Variants in NEK4 observed in about 807,000 individuals in gnomAD.
NEK4 encodes serine/threonine-protein kinase Nek4.
NEK4 carries 86 observed loss-of-function variants against 98.4 expected under a neutral mutation model. The observed-to-expected ratio is 0.87, with a 90% CI of 0.73 to 1.05. The LOEUF (loss-of-function observed/expected upper bound fraction) is 1.05. NEK4 is among the 50% of genes least tolerant of loss of function. The pLI is 0.00. For missense variants in NEK4, 898 were observed against 950.3 expected, an observed-to-expected ratio of 0.94 and a Z score of 0.72; for synonymous variants, 328 against 342.2, an observed-to-expected ratio of 0.96 and a Z score of 0.46.
chr3:52,745,607 A>C (rs184846598), intron 10 of NEK4, among the ~76,000 whole-genome samples: 10 of 152,212 alleles, frequency 6.6e-5, no homozygotes, highest in Admixed American at 6.5e-4. Flanking sequence ...TGCTGAGATC[A>C]CATCTGTCCC....
intron 2 of NEK4, 78 bp downstream of exon 2, chr3:52,768,260 G>T: frequency 7.2e-7 from 1 of 1,393,498 alleles, no homozygotes; most frequent in African/African-American, 1.4e-5. Flanking sequence ...AGTATCTGAA[G>T]AAAAATTTTC....
At chr3:52,760,998 A>G (rs1281893038) in intron 5 of NEK4, 62 bp from the exon 6 acceptor site, 21 of 1,086,512 alleles carry the variant, frequency 1.9e-5, no homozygotes, top group Admixed American at 6.5e-5. Context: ...GTTTTTAGGT[A>G]TATGTGGGAG....
At chr3:52,743,140 T>G (rs2154104080) in intron 12 of NEK4, 1 of 485,700 alleles carries the variant, frequency 2.1e-6, no homozygotes, top group Non-Finnish European at 3.7e-6. Flanking sequence ...TATCAATTGT[T>G]TACAAGAGTA....
intron 15 of NEK4, among the ~76,000 whole-genome samples, chr3:52,712,776 G>A (rs550140908): frequency 2.0e-5 from 3 of 152,296 alleles, no homozygotes; most frequent in African/African-American, 7.2e-5. Context: ...GCTGGCATCT[G>A]TCAGTGTGCT....
chr3:52,717,527 A>T (rs2097356226), intron 15 of NEK4, among the ~76,000 whole-genome samples: 1 of 152,092 alleles, frequency 6.6e-6, no homozygotes, highest in Non-Finnish European at 1.5e-5. Context: ...ATGAGAGGCT[A>T]CTGCCCCATC....
intron 6 of NEK4, among the ~76,000 whole-genome samples, chr3:52,760,549 T>A (rs1007833750): frequency 6.6e-6 from 1 of 152,232 alleles, no homozygotes; most frequent in African/African-American, 2.4e-5. Flanking sequence ...TTAATTTTGT[T>A]ATATAAATTT....
At chr3:52,767,724 A>G (rs1009660400) in intron 2 of NEK4, among the ~76,000 whole-genome samples, 1 of 143,466 alleles carries the variant, frequency 7.0e-6, no homozygotes, top group Admixed American at 6.9e-5. Flanking sequence ...GTCTCAAAAG[A>G]AAAAAAAAAA....
At chr3:52,751,789 G>T in intron 7 of NEK4, 143 bp downstream of exon 7, 4 of 809,784 alleles carry the variant, frequency 4.9e-6, no homozygotes, top group East Asian at 2.5e-5. Context: ...GTTTCTTTTT[G>T]GTTTGATGCA....
In NEK4 at chr3:52,768,448, C is replaced by T; in HGVS notation, c.250G>A (p.Gly84Ser). 1 of 1,614,156 alleles carries T rather than the reference C, an allele frequency of 6.2e-7. No individual in the cohort carries two copies. The highest frequency in any genetic ancestry group is 8.5e-7 in the Non-Finnish European group (1 of 1,180,016). The change falls in exon 2 of 16, where the codon GGC becomes AGC. Residue 84 changes from glycine to serine, a missense_variant. Physicochemically the swap from Gly to Ser is moderately conservative, Grantham distance 56. Coordinates refer to ENST00000233027, the MANE Select transcript of NEK4 (RefSeq NM_003157.6). Reference protein sequence around the residue: ...GGDGLLYIVMGFCEGGDLYRK... With the variant: ...GGDGLLYIVMSFCEGGDLYRK... ...TACAAATCACCTCCTTCACAGAAGC[C>T]CATGACAATGTAGAGCAGACCATCT...
intron 5 of NEK4, 68 bp downstream of exon 5, chr3:52,763,402 A>C (rs1215107335): frequency 5.6e-6 from 8 of 1,417,242 alleles, no homozygotes; most frequent in Non-Finnish European, 4.8e-6. Context: ...TTGCATATGA[A>C]TATTACAGAA....
Position 52,770,582 on chromosome 3 carries a change from T to C in NEK4, c.93+72A>G, listed in dbSNP as rs1698741220. ...GAGCCTCTTGCGACCACCCCCGACC[T>C]AATCTACCGGTCGGCGCCCTCGGCG... On this transcript the variant is annotated intron_variant, in intron 1 of 15. Coordinates refer to ENST00000233027, the MANE Select transcript of NEK4 (RefSeq NM_003157.6). 3.5e-5 allele frequency: 42 copies of C among 1,185,236 alleles called. No individual in the cohort carries two copies. The South Asian group carries it at 5.5e-4, about 16-fold the overall frequency. The allele number at this position is 1,185,236 out of a possible 1,614,324, so 73.4% of individuals were successfully genotyped here.
intron 1 of NEK4, among the ~76,000 whole-genome samples, chr3:52,769,614 A>T (rs1010258717): frequency 3.3e-5 from 5 of 152,216 alleles, no homozygotes; most frequent in African/African-American, 1.2e-4. Flanking sequence ...CTTATGCATG[A>T]GCTTGTGTTC....
rs747764051 is a variant in NEK4, at chr3:52,711,745, C to G, written c.*32G>C. On this transcript the variant is annotated 3_prime_UTR_variant, in exon 16 of 16. Coordinates refer to ENST00000233027, the MANE Select transcript of NEK4 (RefSeq NM_003157.6). ...AAGCCAAAATCCTCTAAAAATAGGT[C>G]TTTAATTCTGGCAGCAGATTAGGAC... is the stretch of plus-strand genomic sequence containing the variant. 1 of 1,408,840 alleles carries G rather than the reference C, an allele frequency of 7.1e-7. No individual in the cohort carries two copies. The highest frequency in any genetic ancestry group is 1.0e-6 in the Non-Finnish European group (1 of 996,626). The allele number at this position is 1,408,840 out of a possible 1,614,324, so 87.3% of individuals were successfully genotyped here.
chr3:52,763,658 A>C (rs1212631507), intron 4 of NEK4, 34 bp from the exon 5 acceptor site: 20 of 1,504,126 alleles, frequency 1.3e-5, no homozygotes, highest in Non-Finnish European at 1.8e-5. Flanking sequence ...ATTATGACTA[A>C]TGGTCTTGTG....
intron 15 of NEK4, chr3:52,733,763 C>A (rs2097372224): frequency 2.3e-6 from 1 of 439,186 alleles, no homozygotes; most frequent in Non-Finnish European, 4.6e-6. Flanking sequence ...TGGAGAGAGA[C>A]CTTACAAGTG....
At position 52,711,974 on chromosome 3, in the gene NEK4, C is replaced by T. The variant is rs1578608717; in HGVS notation, c.2434-105G>A. On this transcript the variant is annotated intron_variant, in intron 15 of 15. Transcript: ENST00000233027. ...TAAGCATGGTATCCAAGGTGGAAACCATACAGGAAAATACTAATAGTTCAG... is the reference window on the plus strand; with the variant it reads ...TAAGCATGGTATCCAAGGTGGAAACTATACAGGAAAATACTAATAGTTCAG... The T allele has an allele frequency of 8.0e-6, 5 of 628,138 alleles. No homozygotes were observed. In the Admixed American group the frequency reaches 8.5e-5, roughly 11 times the overall value. 38.9% of individuals were successfully genotyped at this position (628,138 alleles called of 1,614,324 possible).
intron 15 of NEK4, among the ~76,000 whole-genome samples, chr3:52,716,075 C>T (rs897881371): frequency 1.3e-5 from 2 of 152,214 alleles, no homozygotes; most frequent in Admixed American, 6.5e-5. Context: ...TGGAGCTGCC[C>T]GCCCCGCTGC....
At chr3:52,725,308 G>C (rs1456448185) in intron 15 of NEK4, among the ~76,000 whole-genome samples, 1 of 151,986 alleles carries the variant, frequency 6.6e-6, no homozygotes, top group Non-Finnish European at 1.5e-5. Context: ...TCAGGAGATC[G>C]AGACCATCCT....
chr3:52,725,217 C>T lies in NEK4; in HGVS notation c.2433+12369G>A, dbSNP rs138130121. On this transcript the variant is annotated intron_variant, in intron 15 of 15. Transcript: ENST00000233027. ...CCAATTTTTAGATCCTGTTTTTAAACATATAATGTACAGGCCGGGCGCTGC... is the reference window on the plus strand; with the variant it reads ...CCAATTTTTAGATCCTGTTTTTAAATATATAATGTACAGGCCGGGCGCTGC... 8.5e-4 allele frequency among the ~76,000 whole-genome samples: 130 copies of T among 152,274 alleles called. 2 individuals are homozygous for T. In the East Asian group the frequency reaches 0.024, roughly 28 times the overall value.
Sources: allele counts gnomAD v4.1 joint callset (sites outside exome capture counted in the v4.1 genomes callset), GRCh38; gene constraint gnomAD v4.1.1; transcripts MANE v1.5; gene names NCBI Gene and HGNC (gene_info 2026-07-23, HGNC 2026-07-21).